Variants in CD86 observed in about 807,000 individuals in gnomAD.
CD86 encodes the protein T-lymphocyte activation antigen CD86.
Under a neutral mutation model 32.1 loss-of-function variants are expected in CD86, and 11 were observed. The observed-to-expected ratio is 0.34, with a 90% confidence interval of 0.22 to 0.57. The LOEUF (loss-of-function observed/expected upper bound fraction) is 0.57, where lower values mean the gene tolerates loss of function less well. Ranked by LOEUF, CD86 falls within the 20% of genes least tolerant of loss-of-function variation. CD86 has a pLI of 0.86. For synonymous variants in CD86, 137 were observed against 135.3 expected, an observed-to-expected ratio of 1.01 and a Z score of -0.09; for missense variants, 359 against 398.4, an observed-to-expected ratio of 0.90 and a Z score of 0.84.
intron 2 of CD86, among the ~76,000 whole-genome samples, chr3:122,095,956 T>A (rs1318589431): frequency 6.6e-6 from 1 of 152,102 alleles, no homozygotes; most frequent in African/African-American, 2.4e-5. Context: ...AAGCAGACAT[T>A]TTTTTTGGAA....
At chr3:122,085,243 C>T (rs550020676) in intron 1 of CD86, among the ~76,000 whole-genome samples, 1 of 152,298 alleles carries the variant, frequency 6.6e-6, no homozygotes, top group East Asian at 1.9e-4. Context: ...TCATAAGATA[C>T]TCTGTCAGAA....
At chr3:122,067,118 C>T (rs1027554399) in intron 1 of CD86, among the ~76,000 whole-genome samples, 2 of 152,084 alleles carry the variant, frequency 1.3e-5, no homozygotes, top group Non-Finnish European at 2.9e-5. Context: ...TCAAGTGAAA[C>T]TGTTGTATGG....
At chr3:122,073,718 C>A (rs536185953) in intron 1 of CD86, among the ~76,000 whole-genome samples, 3 of 148,914 alleles carry the variant, frequency 2.0e-5, no homozygotes, top group African/African-American at 5.2e-5. Flanking sequence ...AGAAGACAAC[C>A]CAGTCCTGAG....
At chr3:122,093,311 C>G (rs569229371) in intron 2 of CD86, among the ~76,000 whole-genome samples, 14 of 152,132 alleles carry the variant, frequency 9.2e-5, no homozygotes, top group Non-Finnish European at 1.9e-4. Context: ...CATGAGCCAT[C>G]GCACATGACT....
chr3:122,109,125 G>T, intron 4 of CD86, 140 bp from the exon 5 acceptor site: 1 of 799,328 alleles, frequency 1.3e-6, no homozygotes, highest in Non-Finnish European at 1.9e-6. Context: ...ACTTTCTATG[G>T]CCTCCTATTG....
chr3:122,075,968 T>G (rs1023035391), intron 1 of CD86, among the ~76,000 whole-genome samples: 8 of 152,194 alleles, frequency 5.3e-5, no homozygotes, highest in Non-Finnish European at 1.2e-4. Flanking sequence ...GTATTACTTC[T>G]GTGAGGAAGC....
At chr3:122,103,328 G>A (rs1014610034) in intron 2 of CD86, among the ~76,000 whole-genome samples, 184 bp from the exon 3 acceptor site, 1 of 152,198 alleles carries the variant, frequency 6.6e-6, no homozygotes, top group African/African-American at 2.4e-5. Flanking sequence ...AGTCAGCGGT[G>A]AAGCAAGGAC....
intron 4 of CD86, 69 bp from the exon 5 acceptor site, chr3:122,109,196 A>G: frequency 1.3e-6 from 2 of 1,509,120 alleles, no homozygotes; most frequent in Admixed American, 1.9e-5. Flanking sequence ...AAATAAAGAG[A>G]AGAGCAGCTA....
chr3:122,064,722 A>G (rs1423253843), intron 1 of CD86, among the ~76,000 whole-genome samples: 1 of 152,330 alleles, frequency 6.6e-6, no homozygotes, highest in East Asian at 1.9e-4. Context: ...CTGGTTTGGT[A>G]TAAATCACCA....
chr3:122,111,057 C>T (rs1391516933), intron 5 of CD86, among the ~76,000 whole-genome samples: 2 of 152,150 alleles, frequency 1.3e-5, no homozygotes, highest in African/African-American at 4.8e-5. Context: ...TAAATAAGCT[C>T]TGTAGGTACA....
Position 122,070,294 on chromosome 3 carries a change from C to T in CD86, c.14+14791C>T, listed in dbSNP as rs16832688. The stretch of plus-strand genomic sequence containing the variant: ...TACACATTGCCTCTTCCTTAGCATG[C>T]ATGAATGGTAGGTGTGAATTTGCAT... On this transcript the variant is annotated intron_variant, in intron 1 of 6. Coordinates refer to ENST00000330540, the MANE Select transcript of CD86 (RefSeq NM_175862.5). Among the ~76,000 whole-genome samples the T allele has an allele frequency of 6.3e-4, 96 of 152,206 alleles. 2 individuals are homozygous for T. The East Asian group carries it at 0.014, about 22-fold the overall frequency.
At chr3:122,088,702 T>C (rs184564936) in intron 1 of CD86, among the ~76,000 whole-genome samples, 10 of 152,318 alleles carry the variant, frequency 6.6e-5, no homozygotes, top group Admixed American at 6.5e-4. Flanking sequence ...TGTGGAGAAA[T>C]TGGAGCTCTT....
chr3:122,092,024 C>T (rs748336373), intron 2 of CD86: 9 of 172,424 alleles, frequency 5.2e-5, no homozygotes, highest in Non-Finnish European at 1.1e-4. Flanking sequence ...TCTTCTCTGA[C>T]CCTGTTTCTG....
At chr3:122,089,245 A>C (rs1213796221) in intron 1 of CD86, among the ~76,000 whole-genome samples, 1 of 152,190 alleles carries the variant, frequency 6.6e-6, no homozygotes, top group African/African-American at 2.4e-5. Context: ...CTGAAGATGG[A>C]TGTAGTGATG....
intron 2 of CD86, among the ~76,000 whole-genome samples, chr3:122,100,535 G>A (rs2072982605): frequency 6.6e-6 from 1 of 152,154 alleles, no homozygotes; most frequent in Non-Finnish European, 1.5e-5. Context: ...GATAAGCATA[G>A]GAACATAAAG....
At chr3:122,102,831 G>T (rs1395668163) in intron 2 of CD86, among the ~76,000 whole-genome samples, 4 of 149,542 alleles carry the variant, frequency 2.7e-5, no homozygotes, top group African/African-American at 1.0e-4. Flanking sequence ...TAAAGGCCTT[G>T]GTTCACTATC....
chr3:122,115,408 T>G (rs1192435637), intron 5 of CD86, among the ~76,000 whole-genome samples: 1 of 152,162 alleles, frequency 6.6e-6, no homozygotes, highest in African/African-American at 2.4e-5. Flanking sequence ...ATCAGAAGAC[T>G]AGATGTTAAG....
intron 5 of CD86, among the ~76,000 whole-genome samples, chr3:122,117,530 C>T (rs2073273463): frequency 6.6e-6 from 1 of 152,224 alleles, no homozygotes; most frequent in Non-Finnish European, 1.5e-5. Flanking sequence ...GTGTCAGTAG[C>T]AAGTCCCTAT....
chr3:122,100,568 A>G (rs1182332547), intron 2 of CD86, among the ~76,000 whole-genome samples: 1 of 152,188 alleles, frequency 6.6e-6, no homozygotes, highest in Non-Finnish European at 1.5e-5. Context: ...TTAAACATAT[A>G]AGATATGCAT....
Sources: allele counts gnomAD v4.1 joint callset (sites outside exome capture counted in the v4.1 genomes callset), GRCh38; gene constraint gnomAD v4.1.1; transcripts MANE v1.5; gene names NCBI Gene and HGNC (gene_info 2026-07-23, HGNC 2026-07-21).